PRKAG2: variants seen among roughly 807,000 people sequenced by gnomAD.
PRKAG2 encodes the protein 5'-AMP-activated protein kinase subunit gamma-2.
A neutral mutation model predicts 69.6 loss-of-function variants in PRKAG2; 26 were observed. The observed-to-expected ratio is 0.37, with a 90% confidence interval of 0.27 to 0.52. The LOEUF (loss-of-function observed/expected upper bound fraction) is 0.52. PRKAG2 is among the 20% of genes least tolerant of loss of function. PRKAG2 has a pLI of 0.90. For synonymous variants in PRKAG2, 293 were observed against 285.0 expected, an observed-to-expected ratio of 1.03 and a Z score of -0.28; for missense variants, 557 against 740.0, an observed-to-expected ratio of 0.75 and a Z score of 2.87.
At chr7:151,569,524 G>A (rs2151011950) in intron 10 of PRKAG2, among the ~76,000 whole-genome samples, 1 of 152,346 alleles carries the variant, frequency 6.6e-6, no homozygotes, top group African/African-American at 2.4e-5. Flanking sequence ...AGATATTGCA[G>A]GGCCAACATT....
Position 151,806,684 on chromosome 7 carries a change from C to T in PRKAG2, c.115-20143G>A, listed in dbSNP as rs1447324774. 1.2e-4 allele frequency: 24 copies of T among 201,204 alleles called. 1 individual carries two copies. Among genetic ancestry groups the T allele is most frequent in the Admixed American group, 1.1e-3 (20 of 18,122 alleles). 12.5% of individuals were successfully genotyped at this position (201,204 alleles called of 1,614,324 possible). ...GGAGGATTTTTAAAATATGCCAGAG[C>T]TGGCTGGGTACAGTGGCTCACACCT... is the stretch of plus-strand genomic sequence containing the variant. On this transcript the variant is annotated intron_variant, in intron 1 of 15. Coordinates refer to ENST00000287878, the MANE Select transcript of PRKAG2 (RefSeq NM_016203.4).
At chr7:151,852,342 A>G (rs2079590809) in intron 1 of PRKAG2, among the ~76,000 whole-genome samples, 1 of 152,148 alleles carries the variant, frequency 6.6e-6, no homozygotes, top group African/African-American at 2.4e-5. Flanking sequence ...TGAAAATACA[A>G]AAATTAACCG....
intron 4 of PRKAG2, among the ~76,000 whole-genome samples, chr7:151,665,561 C>T (rs973322133): frequency 1.3e-5 from 2 of 152,144 alleles, no homozygotes; most frequent in Admixed American, 1.3e-4. Flanking sequence ...ACACAGGCAG[C>T]ACTTGTCTAA....
rs1585681762 is a variant in PRKAG2, at chr7:151,675,627, G to A, written c.477C>T (p.Leu159=). 1.2e-6 allele frequency: 2 copies of A among 1,613,368 alleles called. No homozygotes were observed. The highest frequency in any genetic ancestry group is 1.7e-6 in the Non-Finnish European group (2 of 1,179,264). The part of the protein sequence containing the change: ...FFSRSRKTSG[L]SSSPSTPTQV... ...GGGTGGGTGTTGACGGAGAGGAGGA[G>A]AGGCCGGAGGCTGCAGAAGAAACAC... The change falls in exon 4 of 16, where the codon CTC becomes CTT. Residue 159 remains leucine (L), a synonymous_variant. Transcript: ENST00000287878.
intron 3 of PRKAG2, among the ~76,000 whole-genome samples, chr7:151,690,261 T>C (rs1835453140): frequency 6.6e-6 from 1 of 152,170 alleles, no homozygotes; most frequent in Admixed American, 6.5e-5. Flanking sequence ...GAATTCCTAA[T>C]GCTGCCTGTG....
chr7:151,640,241 C>T (rs935428283), intron 4 of PRKAG2, among the ~76,000 whole-genome samples: 6 of 152,064 alleles, frequency 3.9e-5, no homozygotes, highest in Non-Finnish European at 7.4e-5. Flanking sequence ...ACCTGGGAGG[C>T]GGAGGTTGCA....
intron 4 of PRKAG2, among the ~76,000 whole-genome samples, chr7:151,639,427 A>C (rs1186370380): frequency 6.6e-6 from 1 of 152,168 alleles, no homozygotes; most frequent in Non-Finnish European, 1.5e-5. Flanking sequence ...GACAACCGGT[A>C]AAGCATTATT....
At chr7:151,831,725 T>A (rs181607179) in intron 1 of PRKAG2, among the ~76,000 whole-genome samples, 59 of 152,208 alleles carry the variant, frequency 3.9e-4, no homozygotes, top group East Asian at 2.9e-3. Context: ...TGGTCTCGGG[T>A]CCTGGCCTCG....
intron 1 of PRKAG2, among the ~76,000 whole-genome samples, chr7:151,853,573 A>G (rs1181547750): frequency 6.6e-6 from 1 of 152,078 alleles, no homozygotes; most frequent in African/African-American, 2.4e-5. Context: ...CTTGGCTAAC[A>G]CAGTGAAATG....
intron 3 of PRKAG2, among the ~76,000 whole-genome samples, chr7:151,677,290 G>A (rs758498637): frequency 2.6e-5 from 4 of 152,096 alleles, no homozygotes; most frequent in Non-Finnish European, 5.9e-5. Context: ...GGGTTCAAGC[G>A]ATTCTCCTGC....
At chr7:151,859,241 C>T (rs1285884260) in intron 1 of PRKAG2, among the ~76,000 whole-genome samples, 1 of 152,240 alleles carries the variant, frequency 6.6e-6, no homozygotes, top group Non-Finnish European at 1.5e-5. Context: ...AGAGAACACT[C>T]CGCGGGGAAC....
chr7:151,827,763 A>C (rs1048650273), intron 1 of PRKAG2, among the ~76,000 whole-genome samples: 8 of 148,626 alleles, frequency 5.4e-5, no homozygotes, highest in Non-Finnish European at 6.0e-5. Flanking sequence ...AAAAAAAAAA[A>C]AAAAAAAAAA....
At chr7:151,782,688 T>C (rs1203786180) in intron 2 of PRKAG2, among the ~76,000 whole-genome samples, 1 of 152,190 alleles carries the variant, frequency 6.6e-6, no homozygotes, top group Non-Finnish European at 1.5e-5. Flanking sequence ...AACCTGGGCA[T>C]GTTACTTGGT....
chr7:151,769,020 G>A (rs1195635089), intron 3 of PRKAG2, among the ~76,000 whole-genome samples: 1 of 152,222 alleles, frequency 6.6e-6, no homozygotes, highest in Non-Finnish European at 1.5e-5. Context: ...TCCATGGAGG[G>A]TGTCCCCCCA....
At chr7:151,679,102 C>T (rs911439572) in intron 3 of PRKAG2, among the ~76,000 whole-genome samples, 11 of 152,118 alleles carry the variant, frequency 7.2e-5, no homozygotes, top group African/African-American at 2.4e-4. Flanking sequence ...AGCAGCTCTT[C>T]AGAGATGGGG....
chr7:151,729,283 C>T (rs57181153), intron 3 of PRKAG2, among the ~76,000 whole-genome samples: 4,269 of 152,196 alleles, frequency 0.028, 189 homozygotes, highest in African/African-American at 0.098. Context: ...GTGTCCGAAA[C>T]CCCCCAAAGA....
rs1359342192 is a variant in PRKAG2, at chr7:151,772,987, A to ATG, written c.466+8164_466+8165insCA. ...AGAGACCCTGTCTCTAAATGAATGAAAGAAAGAAAGAAAGAAAGAAAGAAA... is the reference window on the plus strand; with the variant it reads ...AGAGACCCTGTCTCTAAATGAATGAATGAGAAAGAAAGAAAGAAAGAAAGAAA... On this transcript the variant is annotated intron_variant, in intron 3 of 15. Coordinates refer to ENST00000287878, the MANE Select transcript of PRKAG2 (RefSeq NM_016203.4). Among the ~76,000 whole-genome samples the ATG allele has an allele frequency of 8.4e-3, 142 of 16,960 alleles. 6 individuals carry two copies. The highest frequency in any genetic ancestry group is 0.023 in the African/African-American group (129 of 5,560). The allele number at this position is 16,960 out of a possible 152,430, so 11.1% of individuals were successfully genotyped here. A position where few individuals can be genotyped will look rare whatever the true frequency, so the allele number is the denominator to read the frequency against.
intron 4 of PRKAG2, among the ~76,000 whole-genome samples, chr7:151,657,676 A>G (rs1829645111): frequency 6.6e-6 from 1 of 152,210 alleles, no homozygotes; most frequent in Non-Finnish European, 1.5e-5. Context: ...CTGGCCCATA[A>G]CAGGCATCAA....
At chr7:151,600,232 C>T (rs1321934088) in intron 5 of PRKAG2, among the ~76,000 whole-genome samples, 2 of 152,192 alleles carry the variant, frequency 1.3e-5, no homozygotes, top group Admixed American at 6.5e-5. Flanking sequence ...CTGCAAGAGA[C>T]ATCCTTGACA....
Sources: allele counts gnomAD v4.1 joint callset (sites outside exome capture counted in the v4.1 genomes callset), GRCh38; gene constraint gnomAD v4.1.1; transcripts MANE v1.5; gene names NCBI Gene and HGNC (gene_info 2026-07-23, HGNC 2026-07-21).